NALCN: variants seen among roughly 807,000 people sequenced by gnomAD.
NALCN encodes sodium leak channel NALCN.
NALCN carries 111 observed loss-of-function variants against 225.3 expected under a neutral mutation model. The ratio of observed to expected loss-of-function variants is 0.49; its 90% CI spans 0.42 to 0.58. The LOEUF is 0.58. NALCN is among the 20% of genes least tolerant of loss of function. The probability of loss-of-function intolerance (pLI) is 0.00; values close to 1 mark genes in which losing one functional copy is unlikely to be tolerated. For synonymous variants in NALCN, 764 were observed against 769.0 expected (o/e 0.99, Z 0.11); for missense variants, 1,378 against 2,202.4 (o/e 0.63, Z 7.49).
At chr13:101,276,880 T>C (rs897948277) in intron 10 of NALCN, among the ~76,000 whole-genome samples, 4 of 152,138 alleles carry the variant, frequency 2.6e-5, no homozygotes, top group Non-Finnish European at 4.4e-5. Context: ...GAAAACAATT[T>C]AAAATTAGTT....
chr13:101,089,014 C>T lies in NALCN; in HGVS notation c.3489+649G>A, dbSNP rs1166073133. 6.6e-6 allele frequency among the ~76,000 whole-genome samples: 1 copy of T among 151,750 alleles called. No homozygotes were observed. On this transcript the variant is annotated intron_variant, in intron 30 of 43. Coordinates refer to ENST00000251127, the MANE Select transcript of NALCN (RefSeq NM_052867.4). This position sits in a 1 kb window ranked among gnomAD's most constrained non-coding sequence, Gnocchi z 4.7. The stretch of plus-strand genomic sequence containing the variant: ...CTAGGTTCAAACGATTCTCATGCCT[C>T]AGCCAACCCAGTAGCTGGGATTACA...
intron 13 of NALCN, among the ~76,000 whole-genome samples, chr13:101,225,043 C>T (rs73560731): frequency 0.018 from 2,794 of 152,244 alleles, 70 homozygotes; most frequent in African/African-American, 0.064. Flanking sequence ...GCCTAACTTG[C>T]GCTGCCCCTG....
chr13:101,091,068 G>C lies in NALCN; in HGVS notation c.3270-1102C>G, dbSNP rs111281434. Among the ~76,000 whole-genome samples the C allele has an allele frequency of 2.0e-3, 300 of 152,044 alleles. 3 individuals carry two copies. Among genetic ancestry groups the C allele is most frequent in the African/African-American group, 6.2e-3 (258 of 41,450 alleles). The stretch of plus-strand genomic sequence containing the variant: ...TCTTCTTTAATTGTTATGGTTCTTA[G>C]CTAACATTTTTGTTGTTAATAGAAG... On this transcript the variant is annotated intron_variant, in intron 28 of 43. Coordinates refer to ENST00000251127, the MANE Select transcript of NALCN (RefSeq NM_052867.4).
chr13:101,334,044 C>A (rs1043271079), intron 7 of NALCN, among the ~76,000 whole-genome samples: 6 of 152,076 alleles, frequency 3.9e-5, no homozygotes, highest in African/African-American at 1.4e-4. Context: ...ATCAGCCAGT[C>A]CTCAAGTATA....
intron 18 of NALCN, 98 bp downstream of exon 18, chr13:101,124,510 C>T: frequency 9.7e-7 from 1 of 1,025,776 alleles, no homozygotes; most frequent in African/African-American, 1.6e-5. Context: ...AAAGTATATG[C>T]TGATGCCCAG....
chr13:101,391,503 C>A (rs970679684), intron 3 of NALCN, among the ~76,000 whole-genome samples: 3 of 150,636 alleles, frequency 2.0e-5, no homozygotes, highest in Admixed American at 2.0e-4. Flanking sequence ...GGCAACATAG[C>A]AAGACCCTGT....
At chr13:101,389,288 G>A (rs1488570759) in intron 3 of NALCN, among the ~76,000 whole-genome samples, 1 of 152,172 alleles carries the variant, frequency 6.6e-6, no homozygotes, top group Non-Finnish European at 1.5e-5. Flanking sequence ...CTCAGAAGGT[G>A]AACCTTAAAA....
At position 101,104,330 on chromosome 13, in the gene NALCN, C is replaced by T; in HGVS notation, c.2854G>A (p.Asp952Asn). 5 of 1,613,382 alleles carry T rather than the reference C, an allele frequency of 3.1e-6. No homozygotes were observed. The highest frequency in any genetic ancestry group is 4.2e-6 in the Non-Finnish European group (5 of 1,179,686). The change falls in exon 25 of 44, where the codon GAC becomes AAC. Residue 952 changes from aspartate to asparagine, a missense_variant. Around this residue, in one of 19 missense-constraint regions of NALCN, gnomAD observed 292 missense variants for 409.5 expected, o/e 0.71. Coordinates refer to ENST00000251127, the MANE Select transcript of NALCN (RefSeq NM_052867.4). The surrounding 1 kb of genome is among the most constrained non-coding windows in gnomAD (Gnocchi z 4.2). ...AATATGTCCATTACTCCACCGAAGTCCCTGATGACAGCAGTTGGAGTGAAA... is the reference window on the plus strand; with the variant it reads ...AATATGTCCATTACTCCACCGAAGTTCCTGATGACAGCAGTTGGAGTGAAA... ...LFFTPTAVIR[D>N]FGGVMDIFIY...
chr13:101,271,210 G>GAAAAAATAAAAAA (rs1292599414), intron 10 of NALCN, among the ~76,000 whole-genome samples: 23 of 151,922 alleles, frequency 1.5e-4, no homozygotes, highest in African/African-American at 3.9e-4. Flanking sequence ...AAATAACACT[G>GAAAAAATAAAAAA]ATATTTTAAT....
rs17620886 is a variant in NALCN at position 101,068,209 on chromosome 13, T to C, written c.4331-176A>G. Among the ~76,000 whole-genome samples, 2,681 of 152,304 alleles carry C rather than the reference T, an allele frequency of 0.018. 50 individuals carry two copies. Among genetic ancestry groups the C allele is most frequent in the East Asian group, 0.09 (464 of 5,174 alleles). On this transcript the variant is annotated intron_variant, in intron 38 of 43. Transcript: ENST00000251127. ...CATGTTTACACTTGGACTAAGCTATTTCTCCAGCTCCTGCCTTTCCAAAAC... is the reference window on the plus strand; with the variant it reads ...CATGTTTACACTTGGACTAAGCTATCTCTCCAGCTCCTGCCTTTCCAAAAC...
chr13:101,069,375 T>C (rs984739129), intron 37 of NALCN, among the ~76,000 whole-genome samples: 3 of 152,240 alleles, frequency 2.0e-5, no homozygotes, highest in Non-Finnish European at 4.4e-5. Context: ...AAGTGCACAA[T>C]GGCATTATGT....
chr13:101,372,376 C>A (rs2046564803), intron 6 of NALCN, among the ~76,000 whole-genome samples: 1 of 152,134 alleles, frequency 6.6e-6, no homozygotes, highest in African/African-American at 2.4e-5. Flanking sequence ...ATATTATACT[C>A]AAAAACTGCA....
In NALCN at chr13:101,273,961, A is replaced by G. The variant is rs796201485; in HGVS notation, c.1134+9972T>C. Among the ~76,000 whole-genome samples the G allele has an allele frequency of 2.2e-4, 34 of 152,040 alleles. 1 individual carries two copies. Among genetic ancestry groups the G allele is most frequent in the East Asian group, 1.9e-3 (10 of 5,172 alleles). ...TGTTCAACATCCATTAATCAGGGAGATCAGGGAGATGCAAATTTACATTAC... is the reference window on the plus strand; with the variant it reads ...TGTTCAACATCCATTAATCAGGGAGGTCAGGGAGATGCAAATTTACATTAC... On this transcript the variant is annotated intron_variant, in intron 10 of 43. Coordinates refer to ENST00000251127, the MANE Select transcript of NALCN (RefSeq NM_052867.4).
chr13:101,320,123 T>C (rs545620), intron 7 of NALCN, among the ~76,000 whole-genome samples: 62,016 of 151,958 alleles, frequency 0.41, 13,006 homozygotes, highest in Middle Eastern at 0.47. Flanking sequence ...AGAATGAACA[T>C]CATGATTATT....
At chr13:101,191,559 A>G (rs2039681075) in intron 14 of NALCN, among the ~76,000 whole-genome samples, 2 of 152,192 alleles carry the variant, frequency 1.3e-5, no homozygotes, top group African/African-American at 4.8e-5. Flanking sequence ...AACTGAAGAC[A>G]GTGTCTCTAC....
At chr13:101,164,306 TG>T (rs1261028527) in intron 15 of NALCN, among the ~76,000 whole-genome samples, 2 of 151,986 alleles carry the variant, frequency 1.3e-5, no homozygotes, top group East Asian at 1.9e-4. Flanking sequence ...CTTGGGGGGT[TG>T]GGGGGACAGG....
chr13:101,156,876 C>G (rs1453400822), intron 15 of NALCN, among the ~76,000 whole-genome samples: 1 of 152,132 alleles, frequency 6.6e-6, no homozygotes, highest in African/African-American at 2.4e-5. Flanking sequence ...TAAGTAATTT[C>G]TTTTCTGGCC....
At chr13:101,322,289 C>A (rs947763545) in intron 7 of NALCN, among the ~76,000 whole-genome samples, 1 of 152,080 alleles carries the variant, frequency 6.6e-6, no homozygotes, top group Non-Finnish European at 1.5e-5. Flanking sequence ...ACACAAAGTA[C>A]GTCAATGTGA....
At position 101,089,806 on chromosome 13, in the gene NALCN, T is replaced by C; in HGVS notation, c.3390+40A>G. The C allele has an allele frequency of 6.2e-7, 1 of 1,613,958 alleles. No individual in the cohort carries two copies. Among genetic ancestry groups the C allele is most frequent in the Non-Finnish European group, 8.5e-7 (1 of 1,179,912 alleles). The stretch of plus-strand genomic sequence containing the variant: ...GTTATTCATCAAAACAAATGAAAGC[T>C]GCTCTTGAAGTGTTCAAAGGATTCG... On this transcript the variant is annotated intron_variant, in intron 29 of 43. Transcript: ENST00000251127. This position sits in a 1 kb window ranked among gnomAD's most constrained non-coding sequence, Gnocchi z 4.7.
Sources: gnomAD v4.1 joint callset for allele counts (sites outside exome capture counted in the v4.1 genomes callset) on GRCh38, gnomAD v4.1.1 for gene constraint, gnomAD v4.1.1 regional missense constraint, Gnocchi (gnomAD v3.1) non-coding constraint, MANE v1.5 for transcripts, NCBI Gene and HGNC (gene_info 2026-07-23, HGNC 2026-07-21) for gene names.